The following GAS2 variants were observed in gnomAD, a reference collection of about 807,000 sequenced individuals.
The protein encoded by GAS2 is growth arrest specific 2.
Under a neutral mutation model 37.5 loss-of-function variants are expected in GAS2, and 20 were observed. The ratio of observed to expected loss-of-function variants is 0.53; its 90% confidence interval spans 0.37 to 0.77. The LOEUF (loss-of-function observed/expected upper bound fraction) is 0.77. Among genes scored for constraint, GAS2 ranks in the 30% least tolerant of loss-of-function variants. GAS2 has a pLI of 0.00. For synonymous variants in GAS2, 144 were observed against 132.2 expected (o/e 1.09, Z -0.61); for missense variants, 336 against 373.4 (o/e 0.90, Z 0.82).
chr11:22,754,322 T>A (rs931363934), intron 6 of GAS2, among the ~76,000 whole-genome samples: 1 of 152,078 alleles, frequency 6.6e-6, no homozygotes, highest in African/African-American at 2.4e-5. Flanking sequence ...TATAATGAAA[T>A]ACCATCTTAA....
chr11:22,679,492 C>T (rs1336203045), intron 2 of GAS2, among the ~76,000 whole-genome samples: 2 of 151,926 alleles, frequency 1.3e-5, no homozygotes, highest in African/African-American at 4.8e-5. Flanking sequence ...ATTAACAGTC[C>T]TGGATTATGG....
intron 7 of GAS2, among the ~76,000 whole-genome samples, chr11:22,768,037 G>T (rs1326889913): frequency 6.6e-6 from 1 of 152,132 alleles, no homozygotes; most frequent in Non-Finnish European, 1.5e-5. Context: ...GAGGTTTACT[G>T]ATTCACATCA....
At chr11:22,643,850 A>T (rs1163351298) in intron 1 of GAS2, among the ~76,000 whole-genome samples, 4 of 152,000 alleles carry the variant, frequency 2.6e-5, no homozygotes, top group East Asian at 3.9e-4. Context: ...CAGGAAGGAC[A>T]TTTTTTTTCC....
At chr11:22,677,412 C>T (rs980107906) in intron 2 of GAS2, among the ~76,000 whole-genome samples, 5 of 152,036 alleles carry the variant, frequency 3.3e-5, no homozygotes, top group East Asian at 1.9e-4. Flanking sequence ...GAGACATGTT[C>T]GGGCTAGATC....
intron 3 of GAS2, among the ~76,000 whole-genome samples, chr11:22,721,110 G>A (rs1057394498): frequency 2.0e-5 from 3 of 151,928 alleles, no homozygotes; most frequent in Non-Finnish European, 2.9e-5. Context: ...CAATTCATTT[G>A]GTGCTGTTTT....
At chr11:22,775,745 GCTC>G (rs1243737156) in intron 7 of GAS2, among the ~76,000 whole-genome samples, 1 of 151,772 alleles carries the variant, frequency 6.6e-6, no homozygotes, top group Admixed American at 6.6e-5. Context: ...ACAGACTAGT[GCTC>G]CTATCAACAA....
rs1171779093 is a variant in GAS2, at chr11:22,812,602, C to T, written c.*586C>T. On this transcript the variant is annotated 3_prime_UTR_variant, in exon 8 of 8. Coordinates refer to ENST00000454584, the MANE Select transcript of GAS2 (RefSeq NM_001143830.3). ...GGCTGCCTTAAAGTATATCTCTTATCTATGACCAAATATCTGGGGTACTTT... is the reference window on the plus strand; with the variant it reads ...GGCTGCCTTAAAGTATATCTCTTATTTATGACCAAATATCTGGGGTACTTT... 6.5e-6 allele frequency: 1 copy of T among 152,822 alleles called. No homozygotes were observed. Among genetic ancestry groups the T allele is most frequent in the Non-Finnish European group, 1.5e-5 (1 of 68,246 alleles). The allele number at this position is 152,822 out of a possible 1,614,324, so 9.5% of individuals were successfully genotyped here.
At chr11:22,739,739 C>CT (rs746104154) in intron 5 of GAS2, among the ~76,000 whole-genome samples, 2 of 151,596 alleles carry the variant, frequency 1.3e-5, no homozygotes, top group Admixed American at 1.3e-4. Context: ...AGACAAAAAA[C>CT]TTTTTTTTAG....
At chr11:22,771,588 G>A (rs1001555816) in intron 7 of GAS2, among the ~76,000 whole-genome samples, 6 of 152,058 alleles carry the variant, frequency 3.9e-5, no homozygotes, top group African/African-American at 1.2e-4. Context: ...TTGCACATAG[G>A]AAAACTGGCT....
At chr11:22,703,005 G>C (rs1206189388) in intron 3 of GAS2, among the ~76,000 whole-genome samples, 1 of 152,016 alleles carries the variant, frequency 6.6e-6, no homozygotes, top group East Asian at 1.9e-4. Context: ...TGCATTAAAG[G>C]CATATGAAAC....
intron 2 of GAS2, 114 bp from the exon 3 acceptor site, chr11:22,685,554 T>A: frequency 9.3e-7 from 1 of 1,073,642 alleles, no homozygotes; most frequent in South Asian, 1.7e-5. Context: ...CCTATCCCAG[T>A]TATGTAACTC....
chr11:22,748,600 A>G (rs1445915882), intron 5 of GAS2, among the ~76,000 whole-genome samples: 1 of 152,114 alleles, frequency 6.6e-6, no homozygotes, highest in Non-Finnish European at 1.5e-5. Flanking sequence ...ATGACATTGT[A>G]TAACCCATAG....
At chr11:22,688,357 G>A (rs565546894) in intron 3 of GAS2, 27 of 152,030 alleles carry the variant, frequency 1.8e-4, no homozygotes, top group Non-Finnish European at 3.1e-4. Flanking sequence ...TATAGTCTAC[G>A]GCCATACCAC....
At chr11:22,677,316 G>A (rs1288647214) in intron 2 of GAS2, among the ~76,000 whole-genome samples, 2 of 152,164 alleles carry the variant, frequency 1.3e-5, no homozygotes, top group Non-Finnish European at 2.9e-5. Flanking sequence ...GGAAGGGCAT[G>A]TGTTGAGGTA....
intron 2 of GAS2, among the ~76,000 whole-genome samples, chr11:22,678,609 A>G: frequency 6.6e-6 from 1 of 151,966 alleles, no homozygotes; most frequent in East Asian, 1.9e-4. Flanking sequence ...TTTGCTGCTT[A>G]TTTCTAGTAT....
intron 3 of GAS2, among the ~76,000 whole-genome samples, chr11:22,711,132 GA>G (rs1172754813): frequency 6.6e-6 from 1 of 152,090 alleles, no homozygotes; most frequent in Non-Finnish European, 1.5e-5. Context: ...TTAGACAGCT[GA>G]AAAAACTATG....
intron 7 of GAS2, among the ~76,000 whole-genome samples, chr11:22,808,976 C>T (rs1857016110): frequency 6.6e-6 from 1 of 152,166 alleles, no homozygotes. Flanking sequence ...AGACTGGAGT[C>T]AGGTGCTAAG....
intron 3 of GAS2, among the ~76,000 whole-genome samples, chr11:22,709,595 C>T (rs1851295829): frequency 6.6e-6 from 1 of 152,096 alleles, no homozygotes; most frequent in Non-Finnish European, 1.5e-5. Context: ...TTGTGGAAGT[C>T]AGTGTGGCGA....
intron 4 of GAS2, among the ~76,000 whole-genome samples, chr11:22,730,127 T>C (rs1325591535): frequency 1.3e-5 from 2 of 151,834 alleles, no homozygotes; most frequent in Non-Finnish European, 2.9e-5. Flanking sequence ...GAAAATATGA[T>C]ATATGATTAA....
Sources: allele counts gnomAD v4.1 joint callset (sites outside exome capture counted in the v4.1 genomes callset), GRCh38; gene constraint gnomAD v4.1.1; transcripts MANE v1.5; gene names NCBI Gene and HGNC (gene_info 2026-07-23, HGNC 2026-07-21).